The following STK32B variants were observed in gnomAD, a reference collection of about 807,000 sequenced individuals.
The protein encoded by STK32B is serine/threonine-protein kinase 32B.
A neutral mutation model predicts 52.6 loss-of-function variants in STK32B; 43 were observed. That is an observed-to-expected ratio of 0.82 (90% CI 0.64 to 1.05). STK32B has a LOEUF of 1.05. STK32B is among the 50% of genes least tolerant of loss of function. The pLI, the probability that STK32B is intolerant of heterozygous loss-of-function variation, is 0.00. For missense variants in STK32B, 621 were observed against 534.6 expected (o/e 1.16, Z -1.59); for synonymous variants, 238 against 204.3 (o/e 1.17, Z -1.41).
chr4:5,165,787 T>C (rs1225839818), intron 2 of STK32B, among the ~76,000 whole-genome samples: 1 of 152,216 alleles, frequency 6.6e-6, no homozygotes, highest in Non-Finnish European at 1.5e-5. Context: ...CGTTCACTAC[T>C]GGAAATGGGT....
Position 5,467,253 on chromosome 4 carries a change from C to T in STK32B, c.1041+419C>T, listed in dbSNP as rs548282324. Among the ~76,000 whole-genome samples the T allele has an allele frequency of 6.6e-6, 1 of 152,316 alleles. No individual in the cohort carries two copies. Among genetic ancestry groups the T allele is most frequent in the East Asian group, 1.9e-4 (1 of 5,170 alleles). On this transcript the variant is annotated intron_variant, in intron 10 of 11. Transcript: ENST00000282908. The surrounding 1 kb of genome is among the most constrained non-coding windows in gnomAD (Gnocchi z 5.8). The stretch of plus-strand genomic sequence containing the variant: ...TTAAAACAACCCACATTGATTCTCT[C>T]ACGGTTCTGGAGGCCAGAAATCCAA...
At chr4:5,270,495 C>G (rs1343033828) in intron 3 of STK32B, among the ~76,000 whole-genome samples, 1 of 152,064 alleles carries the variant, frequency 6.6e-6, no homozygotes, top group Non-Finnish European at 1.5e-5. Context: ...TTTGGTAACA[C>G]CCTCACAGAC....
At chr4:5,108,235 A>T (rs974572664) in intron 1 of STK32B, among the ~76,000 whole-genome samples, 2 of 152,230 alleles carry the variant, frequency 1.3e-5, no homozygotes, top group Non-Finnish European at 2.9e-5. Flanking sequence ...ATTATATACC[A>T]GTGTTAGAAT....
At chr4:5,165,469 C>T (rs1180115240) in intron 2 of STK32B, among the ~76,000 whole-genome samples, 1 of 152,166 alleles carries the variant, frequency 6.6e-6, no homozygotes, top group African/African-American at 2.4e-5. Context: ...AGGGACGCAG[C>T]CCCGGGGACG....
intron 5 of STK32B, among the ~76,000 whole-genome samples, chr4:5,407,690 G>T (rs1225052139): frequency 1.3e-5 from 2 of 152,156 alleles, no homozygotes; most frequent in Non-Finnish European, 2.9e-5. Flanking sequence ...TTATAAAACA[G>T]TCAGATCTTG....
chr4:5,249,478 CCTTCCT>C (rs1725746745), intron 3 of STK32B, among the ~76,000 whole-genome samples: 2 of 143,080 alleles, frequency 1.4e-5, no homozygotes, highest in Non-Finnish European at 3.0e-5. Flanking sequence ...TTCCTTCCTT[CCTTCCT>C]TCCTTCCTTC....
At chr4:5,173,728 G>T (rs1204448472) in intron 3 of STK32B, among the ~76,000 whole-genome samples, 1 of 152,154 alleles carries the variant, frequency 6.6e-6, no homozygotes, top group African/African-American at 2.4e-5. Flanking sequence ...TTCCAACTAT[G>T]TGGTCAATTT....
At chr4:5,183,501 AAAAAT>A (rs981746070) in intron 3 of STK32B, among the ~76,000 whole-genome samples, 8 of 152,034 alleles carry the variant, frequency 5.3e-5, no homozygotes, top group African/African-American at 1.7e-4. Flanking sequence ...AATTAAATTA[AAAAAT>A]AAAATAAAAC....
rs1291132924 is a variant in STK32B, at chr4:5,155,109, G to A, written c.109-13190G>A. Among the ~76,000 whole-genome samples the A allele has an allele frequency of 3.3e-5, 5 of 152,186 alleles. No individual in the cohort carries two copies. The East Asian group carries it at 9.7e-4, about 29-fold the overall frequency. ...TTTCTACCTCAGAACCTTCACACTT[G>A]CTCTTCTCTCCACCTCAGTCACCTT... On this transcript the variant is annotated intron_variant, in intron 2 of 11. Coordinates refer to ENST00000282908, the MANE Select transcript of STK32B (RefSeq NM_018401.3).
the STK32B span, among the ~76,000 whole-genome samples, chr4:5,024,953 A>G: frequency 6.6e-6 from 1 of 152,084 alleles, no homozygotes; most frequent in Non-Finnish European, 1.5e-5. Flanking sequence ...AGAGCTTTGC[A>G]TGCAATCTCT....
intron 1 of STK32B, among the ~76,000 whole-genome samples, chr4:5,130,956 T>G (rs888521271): frequency 1.3e-5 from 2 of 152,136 alleles, no homozygotes; most frequent in Admixed American, 6.5e-5. Context: ...TTCAAAACTT[T>G]CCCTGATGGT....
At chr4:5,328,246 T>A (rs1340426628) in intron 3 of STK32B, among the ~76,000 whole-genome samples, 3 of 152,244 alleles carry the variant, frequency 2.0e-5, no homozygotes, top group Non-Finnish European at 4.4e-5. Flanking sequence ...TTACATGCGT[T>A]CATTGGAGTA....
intron 2 of STK32B, among the ~76,000 whole-genome samples, chr4:5,159,850 T>C (rs1009981626): frequency 6.6e-6 from 1 of 151,380 alleles, no homozygotes; most frequent in Admixed American, 6.6e-5. Flanking sequence ...AAGATGATTA[T>C]GGAAGCTGCC....
chr4:5,225,537 G>T (rs1723808209), intron 3 of STK32B, among the ~76,000 whole-genome samples: 1 of 152,058 alleles, frequency 6.6e-6, no homozygotes, highest in African/African-American at 2.4e-5. Context: ...TCAGTTACCT[G>T]CAGTCAGCCC....
At chr4:5,122,185 C>T (rs1715065384) in intron 1 of STK32B, among the ~76,000 whole-genome samples, 1 of 149,880 alleles carries the variant, frequency 6.7e-6, no homozygotes, top group South Asian at 2.1e-4. Flanking sequence ...TTCACTCCTT[C>T]ACTCACTCAT....
intron 3 of STK32B, among the ~76,000 whole-genome samples, chr4:5,234,006 C>G (rs900087417): frequency 6.6e-6 from 1 of 152,066 alleles, no homozygotes; most frequent in Admixed American, 6.6e-5. Flanking sequence ...CTCCCTCTTG[C>G]CCTGACCTGG....
At chr4:5,019,433 C>T in the STK32B span, 6 of 1,473,094 alleles carry the variant, frequency 4.1e-6, no homozygotes, top group African/African-American at 5.9e-5. Context: ...GGCAGAGGCC[C>T]AGGCGTCCTC....
At chr4:5,485,826 G>T (rs1016933465) in intron 11 of STK32B, among the ~76,000 whole-genome samples, 3 of 152,206 alleles carry the variant, frequency 2.0e-5, no homozygotes, top group African/African-American at 4.8e-5. Flanking sequence ...TCAGCTGCAG[G>T]TCTGTTGGAG....
intron 3 of STK32B, among the ~76,000 whole-genome samples, chr4:5,327,685 A>G (rs1358243034): frequency 3.3e-5 from 5 of 152,118 alleles, no homozygotes; most frequent in Admixed American, 2.6e-4. Flanking sequence ...TAGATTTAGC[A>G]TAATTCTTAA....
Sources: allele counts gnomAD v4.1 joint callset (sites outside exome capture counted in the v4.1 genomes callset), GRCh38; gene constraint gnomAD v4.1.1; non-coding constraint Gnocchi (gnomAD v3.1); transcripts MANE v1.5; gene names NCBI Gene and HGNC (gene_info 2026-07-23, HGNC 2026-07-21).